The following SEMA3A variants were observed in gnomAD, a reference collection of about 807,000 sequenced individuals.
The protein encoded by SEMA3A is semaphorin-3A.
SEMA3A carries 29 observed loss-of-function variants against 97.9 expected under a neutral mutation model. The ratio of observed to expected loss-of-function variants is 0.30; its 90% CI spans 0.22 to 0.40. SEMA3A has a LOEUF of 0.40. Ranked by LOEUF, SEMA3A falls within the 10% of genes least tolerant of loss-of-function variation. The pLI, the probability that SEMA3A is intolerant of heterozygous loss-of-function variation, is 1.00. For synonymous variants in SEMA3A, 321 were observed against 323.7 expected (o/e 0.99, Z 0.09); for missense variants, 763 against 951.3 (o/e 0.80, Z 2.60).
chr7:84,061,770 G>C (rs1793225286), intron 4 of SEMA3A, among the ~76,000 whole-genome samples: 1 of 152,092 alleles, frequency 6.6e-6, no homozygotes, highest in Non-Finnish European at 1.5e-5. Flanking sequence ...AATTCCAAGT[G>C]TTCTGTTTTT....
At chr7:84,166,361 CA>C (rs1797205835) in intron 1 of SEMA3A, among the ~76,000 whole-genome samples, 1 of 150,848 alleles carries the variant, frequency 6.6e-6, no homozygotes, top group Admixed American at 6.6e-5. Context: ...ATCAGGAGGT[CA>C]AGAGATCGAG....
intron 1 of SEMA3A, among the ~76,000 whole-genome samples, chr7:84,480,566 A>G (rs1806419019): frequency 6.6e-6 from 1 of 152,166 alleles, no homozygotes; most frequent in South Asian, 2.1e-4. Flanking sequence ...AGCAGTGCCC[A>G]GGGTCAGGGT....
At chr7:83,966,120 G>T (rs1041510566) in intron 15 of SEMA3A, among the ~76,000 whole-genome samples, 3 of 151,650 alleles carry the variant, frequency 2.0e-5, no homozygotes, top group African/African-American at 7.3e-5. Flanking sequence ...TCCTCTTCAG[G>T]ACATCCTCTG....
At chr7:84,022,836 A>G (rs1225401279) in intron 6 of SEMA3A, among the ~76,000 whole-genome samples, 1 of 152,228 alleles carries the variant, frequency 6.6e-6, no homozygotes, top group Non-Finnish European at 1.5e-5. Context: ...CTTTGTATTT[A>G]CAGATACCAC....
At chr7:84,467,641 T>G (rs1806037298) in intron 1 of SEMA3A, among the ~76,000 whole-genome samples, 2 of 152,102 alleles carry the variant, frequency 1.3e-5, no homozygotes, top group South Asian at 4.1e-4. Flanking sequence ...GCCTGTCTAC[T>G]TTTAAAGCTA....
At chr7:84,336,631 A>G (rs911839069) in intron 2 of SEMA3A, among the ~76,000 whole-genome samples, 3 of 152,146 alleles carry the variant, frequency 2.0e-5, no homozygotes, top group Non-Finnish European at 4.4e-5. Context: ...AAATGTGCTG[A>G]AGGAGGAGGA....
At chr7:84,247,081 A>G (rs1431530237) in intron 3 of SEMA3A, among the ~76,000 whole-genome samples, 2 of 152,130 alleles carry the variant, frequency 1.3e-5, no homozygotes, top group Admixed American at 1.3e-4. Flanking sequence ...ATTTGATATC[A>G]GTATATAGAA....
At position 84,099,068 on chromosome 7, in the gene SEMA3A, TTTTTTTC is replaced by T. The variant is rs1362285062; in HGVS notation, c.453+11395_453+11401del. ...GATTAATCAGGAATTACATTTTCTT[TTTTTTTC>T]TTTTTTTTTTTTTGAGACGGAGTCT... On this transcript the variant is annotated intron_variant, in intron 4 of 16. Coordinates refer to ENST00000265362, the MANE Select transcript of SEMA3A (RefSeq NM_006080.3). 2.2e-5 allele frequency among the ~76,000 whole-genome samples: 2 copies of T among 92,688 alleles called. 1 individual carries two copies. Among genetic ancestry groups the T allele is most frequent in the Non-Finnish European group, 5.1e-5 (2 of 39,592 alleles). 60.8% of individuals were successfully genotyped at this position (92,688 alleles called of 152,430 possible).
At chr7:84,112,209 A>G (rs1268645696) in intron 3 of SEMA3A, among the ~76,000 whole-genome samples, 1 of 152,220 alleles carries the variant, frequency 6.6e-6, no homozygotes, top group Admixed American at 6.5e-5. Context: ...CTTTTATATA[A>G]AGATTATCAT....
intron 6 of SEMA3A, 43 bp from the exon 7 acceptor site, chr7:84,014,394 T>C: frequency 1.3e-6 from 2 of 1,488,426 alleles, no homozygotes; most frequent in Middle Eastern, 1.7e-4. Context: ...CACAGCTTAA[T>C]AAATAATACC....
intron 3 of SEMA3A, among the ~76,000 whole-genome samples, chr7:84,279,261 A>G (rs1031882074): frequency 6.6e-6 from 1 of 152,124 alleles, no homozygotes; most frequent in Admixed American, 6.6e-5. Flanking sequence ...AGATAACTTG[A>G]TTAAGATAAC....
chr7:84,032,782 T>C (rs1408680896), intron 6 of SEMA3A, among the ~76,000 whole-genome samples: 1 of 151,758 alleles, frequency 6.6e-6, no homozygotes, highest in Non-Finnish European at 1.5e-5. Context: ...TAGTATCCTA[T>C]CTTGGTGAAC....
At chr7:84,142,166 AT>A (rs1395448333) in intron 1 of SEMA3A, among the ~76,000 whole-genome samples, 1 of 152,216 alleles carries the variant, frequency 6.6e-6, no homozygotes, top group African/African-American at 2.4e-5. Flanking sequence ...TCATAATCTA[AT>A]TTTATGATTC....
chr7:84,056,264 C>G (rs1349174514), intron 5 of SEMA3A, among the ~76,000 whole-genome samples: 2 of 152,104 alleles, frequency 1.3e-5, no homozygotes, highest in Admixed American at 1.3e-4. Context: ...GGCTTAGTTG[C>G]CTGAGAAGTA....
intron 3 of SEMA3A, among the ~76,000 whole-genome samples, chr7:84,124,951 G>T (rs1312088708): frequency 6.6e-6 from 1 of 151,642 alleles, no homozygotes; most frequent in Non-Finnish European, 1.5e-5. Flanking sequence ...TGTATGAAAA[G>T]CAATATTAAA....
chr7:84,084,013 C>T lies in SEMA3A; in HGVS notation c.454-23455G>A, dbSNP rs747365722. Among the ~76,000 whole-genome samples, 149 of 151,924 alleles carry T rather than the reference C, an allele frequency of 9.8e-4. 1 individual carries two copies. Among genetic ancestry groups the T allele is most frequent in the Non-Finnish European group, 1.4e-3 (97 of 67,962 alleles). ...TTATATTATGTTTCTTTTTGCTGAC[C>T]TGTTTCAAGTCCAAATTTCTGCTTG... is the stretch of plus-strand genomic sequence containing the variant. On this transcript the variant is annotated intron_variant, in intron 4 of 16. Transcript: ENST00000265362.
chr7:84,009,999 T>A (rs191030770), intron 9 of SEMA3A, among the ~76,000 whole-genome samples: 1 of 152,162 alleles, frequency 6.6e-6, no homozygotes, highest in Admixed American at 6.5e-5. Context: ...TGAAGACTTT[T>A]GTTTTTATTA....
In SEMA3A at chr7:83,957,365, T is replaced by C. The variant is rs1038008437; in HGVS notation, c.*4006A>G. 4 of 152,160 alleles carry C rather than the reference T, an allele frequency of 2.6e-5. No individual in the cohort carries two copies. Among genetic ancestry groups the C allele is most frequent in the African/African-American group, 7.2e-5 (3 of 41,454 alleles). The allele number at this position is 152,160 out of a possible 1,614,324, so 9.4% of individuals were successfully genotyped here. Reference sequence around the variant, plus strand: ...AACATAATACCTAGCACATTGTAGATAGTCAAGATCTATCAGTGGAATTTA... The same window carrying C: ...AACATAATACCTAGCACATTGTAGACAGTCAAGATCTATCAGTGGAATTTA... On this transcript the variant is annotated 3_prime_UTR_variant, in exon 17 of 17. Transcript: ENST00000265362.
chr7:84,364,413 C>G (rs1024370527), intron 2 of SEMA3A, among the ~76,000 whole-genome samples: 1 of 151,626 alleles, frequency 6.6e-6, no homozygotes, highest in African/African-American at 2.4e-5. Context: ...CTTCTTAATT[C>G]AATTTCATCA....
Sources: allele counts gnomAD v4.1 joint callset (sites outside exome capture counted in the v4.1 genomes callset), GRCh38; gene constraint gnomAD v4.1.1; transcripts MANE v1.5; gene names NCBI Gene and HGNC (gene_info 2026-07-23, HGNC 2026-07-21).